MITF: variants seen among roughly 807,000 people sequenced by gnomAD.
The protein encoded by MITF is melanocyte inducing transcription factor, also known as microphthalmia-associated transcription factor.
MITF carries 17 observed loss-of-function variants against 60.5 expected under a neutral mutation model. The observed-to-expected ratio is 0.28, with a 90% CI of 0.19 to 0.42. The LOEUF is 0.42. Among genes scored for constraint, MITF ranks in the 10% least tolerant of loss-of-function variants. The pLI is 1.00. For missense variants in MITF, 622 were observed against 683.5 expected (o/e 0.91, Z 1.00); for synonymous variants, 260 against 248.5 (o/e 1.05, Z -0.43).
chr3:69,848,218 T>C (rs2063764811), intron 1 of MITF, among the ~76,000 whole-genome samples: 1 of 152,206 alleles, frequency 6.6e-6, no homozygotes, highest in Admixed American at 6.5e-5. Flanking sequence ...GAGGGGAACA[T>C]TGTGATTTTT....
chr3:69,799,588 T>G (rs1236996307), intron 1 of MITF, among the ~76,000 whole-genome samples: 2 of 152,176 alleles, frequency 1.3e-5, no homozygotes, highest in Non-Finnish European at 2.9e-5. Context: ...TAGCCTTTGT[T>G]TTGTCTTCCT....
intron 2 of MITF, chr3:69,936,560 A>G: frequency 6.8e-7 from 1 of 1,466,190 alleles, no homozygotes; most frequent in South Asian, 1.5e-5. Flanking sequence ...AGCTTAGGTT[A>G]TTATAAGCAG....
intron 1 of MITF, among the ~76,000 whole-genome samples, chr3:69,775,353 T>A (rs1389247655): frequency 6.6e-6 from 1 of 152,186 alleles, no homozygotes. Context: ...CACCTATTTA[T>A]GTGAAATGTC....
chr3:69,740,065 G>C (rs904218211), intron 1 of MITF, among the ~76,000 whole-genome samples: 3 of 152,182 alleles, frequency 2.0e-5, no homozygotes, highest in African/African-American at 7.2e-5. Flanking sequence ...CCGGTGGGAT[G>C]GGGGAGAAAG....
chr3:69,768,165 T>G (rs893884691), intron 1 of MITF, among the ~76,000 whole-genome samples: 1 of 152,200 alleles, frequency 6.6e-6, no homozygotes, highest in Non-Finnish European at 1.5e-5. Context: ...GCAAAATTCT[T>G]AGGGTCCATG....
chr3:69,937,581 A>G (rs2065871555), intron 2 of MITF, among the ~76,000 whole-genome samples: 1 of 152,214 alleles, frequency 6.6e-6, no homozygotes, highest in Non-Finnish European at 1.5e-5. Context: ...GGTTTGAAAG[A>G]GACGTATAGT....
rs1010396286 is a variant in MITF, at chr3:69,968,108, G to T, written c.*2860G>T. On this transcript the variant is annotated 3_prime_UTR_variant, in exon 10 of 10. Coordinates refer to ENST00000352241, the MANE Select transcript of MITF (RefSeq NM_001354604.2). ...TTGAAAAATGCACTGGGAAAAAGTTGATGTCAATAACAGTATAAAACAGCC... is the reference window on the plus strand; with the variant it reads ...TTGAAAAATGCACTGGGAAAAAGTTTATGTCAATAACAGTATAAAACAGCC... 1 of 233,252 alleles carries T rather than the reference G, an allele frequency of 4.3e-6. No individual in the cohort carries two copies. Among genetic ancestry groups the T allele is most frequent in the African/African-American group, 2.2e-5 (1 of 45,326 alleles). The allele number at this position is 233,252 out of a possible 1,614,324, so 14.4% of individuals were successfully genotyped here.
chr3:69,792,211 G>A (rs2062751541), intron 1 of MITF, among the ~76,000 whole-genome samples: 1 of 152,200 alleles, frequency 6.6e-6, no homozygotes, highest in South Asian at 2.1e-4. Context: ...AAACTGTGTT[G>A]CTAGCTGAAA....
intron 1 of MITF, among the ~76,000 whole-genome samples, chr3:69,785,894 G>T (rs116452263): frequency 6.6e-6 from 1 of 152,188 alleles, no homozygotes; most frequent in Non-Finnish European, 1.5e-5. Context: ...GATCTGTACC[G>T]TGGATGAAGG....
At chr3:69,946,983 CTCT>C (rs1427040588) in intron 5 of MITF, among the ~76,000 whole-genome samples, 1 of 152,224 alleles carries the variant, frequency 6.6e-6, no homozygotes, top group East Asian at 1.9e-4. Flanking sequence ...ATGTACATAT[CTCT>C]TCTTTAGAAT....
At chr3:69,906,936 G>C (rs2107370579) in intron 2 of MITF, among the ~76,000 whole-genome samples, 1 of 151,994 alleles carries the variant, frequency 6.6e-6, no homozygotes, top group South Asian at 2.1e-4. Context: ...TTTTTTAATT[G>C]GCTACTTAAT....
intron 2 of MITF, among the ~76,000 whole-genome samples, chr3:69,891,195 G>T (rs893187424): frequency 6.6e-6 from 1 of 152,142 alleles, no homozygotes; most frequent in Non-Finnish European, 1.5e-5. Context: ...TAATGAATTA[G>T]AAGAATCTTG....
chr3:69,822,551 T>C (rs1236340398), intron 1 of MITF, among the ~76,000 whole-genome samples: 1 of 152,206 alleles, frequency 6.6e-6, no homozygotes, highest in Non-Finnish European at 1.5e-5. Context: ...AGAGCTTGCA[T>C]TCCTGTCGAG....
chr3:69,860,759 T>G (rs1252415896), intron 1 of MITF, among the ~76,000 whole-genome samples: 1 of 152,234 alleles, frequency 6.6e-6, no homozygotes, highest in African/African-American at 2.4e-5. Flanking sequence ...CATTCTTTAA[T>G]AATGTTGGGC....
Position 69,950,117 on chromosome 3 carries a change from G to GACAACA in MITF, c.880+960_880+965dup, listed in dbSNP as rs561330551. ...CTACCAAAAAGGAAAATTACTGCAAGACAACAACAACAACAAAAGCAAGAA... is the reference window on the plus strand; with the variant it reads ...CTACCAAAAAGGAAAATTACTGCAAGACAACAACAACAACAACAACAAAAGCAAGAA... On this transcript the variant is annotated intron_variant, in intron 6 of 9. Transcript: ENST00000352241. 8.9e-4 allele frequency among the ~76,000 whole-genome samples: 136 copies of GACAACA among 151,960 alleles called. 1 individual carries two copies. The South Asian group carries it at 0.026, about 29-fold the overall frequency.
At chr3:69,920,102 A>G (rs2065429070) in intron 2 of MITF, among the ~76,000 whole-genome samples, 2 of 152,306 alleles carry the variant, frequency 1.3e-5, no homozygotes, top group Admixed American at 1.3e-4. Flanking sequence ...CCATACAGAG[A>G]TAGGAGCTGA....
chr3:69,938,899 T>A, intron 3 of MITF, 199 bp from the exon 4 acceptor site: 4 of 1,459,548 alleles, frequency 2.7e-6, no homozygotes, highest in Non-Finnish European at 3.6e-6. Flanking sequence ...ACTGCTTTAT[T>A]TTTCTCTACC....
chr3:69,956,307 A>C, intron 7 of MITF, 148 bp from the exon 8 acceptor site: 1 of 707,802 alleles, frequency 1.4e-6, no homozygotes, highest in Non-Finnish European at 2.6e-6. Flanking sequence ...CTGCAATACC[A>C]AGAACATAGT....
intron 2 of MITF, among the ~76,000 whole-genome samples, chr3:69,899,777 T>G (rs2064957077): frequency 6.6e-6 from 1 of 152,190 alleles, no homozygotes; most frequent in Non-Finnish European, 1.5e-5. Flanking sequence ...AAGCTATAAC[T>G]TCAGGAGACA....
Sources: allele counts gnomAD v4.1 joint callset (sites outside exome capture counted in the v4.1 genomes callset), GRCh38; gene constraint gnomAD v4.1.1; transcripts MANE v1.5; gene names NCBI Gene and HGNC (gene_info 2026-07-23, HGNC 2026-07-21).